The following DMD variants were observed in gnomAD, a reference collection of about 807,000 sequenced individuals.
DMD encodes the protein dystrophin, also known as mutant dystrophin.
DMD carries 63 observed loss-of-function variants against 330.1 expected under a neutral mutation model. That is an observed-to-expected ratio of 0.19 (90% confidence interval 0.16 to 0.24). The LOEUF (loss-of-function observed/expected upper bound fraction) is 0.24. DMD is among the 10% of genes least tolerant of loss of function. The probability of loss-of-function intolerance (pLI) is 1.00; values close to 1 mark genes in which losing one functional copy is unlikely to be tolerated. For missense variants in DMD, 3,344 were observed against 2,684.1 expected (o/e 1.25, Z -5.43); for synonymous variants, 1,223 against 959.8 (o/e 1.27, Z -5.07).
intron 52 of DMD, among the ~76,000 whole-genome samples, chrX:31,725,622 A>G (rs2085975986): frequency 8.9e-6 from 1 of 112,127 alleles, no homozygotes; most frequent in Non-Finnish European, 1.9e-5. Context: ...CTAAGAGCAG[A>G]TAGTTTACTG....
chrX:32,162,848 G>T (rs1253405345), intron 44 of DMD, among the ~76,000 whole-genome samples: 1 of 108,940 alleles, frequency 9.2e-6, no homozygotes, highest in Admixed American at 9.8e-5. Flanking sequence ...CCAAAGTGCT[G>T]GGATTACAGG....
chrX:32,242,728 T>C (rs2148076446), intron 43 of DMD, among the ~76,000 whole-genome samples: 1 of 111,144 alleles, frequency 9.0e-6, no homozygotes, highest in Non-Finnish European at 1.9e-5. Context: ...ATACTTCATT[T>C]CTTGAGGGTT....
intron 45 of DMD, among the ~76,000 whole-genome samples, chrX:31,960,724 T>C (rs1184343518): frequency 8.9e-6 from 1 of 112,127 alleles, no homozygotes; most frequent in Non-Finnish European, 1.9e-5. Context: ...TGCCAGCTAG[T>C]CTGTTTCACT....
chrX:32,395,573 T>TA (rs915716081), intron 30 of DMD, among the ~76,000 whole-genome samples: 9 of 110,433 alleles, frequency 8.1e-5, no homozygotes, highest in Non-Finnish European at 1.3e-4. Context: ...AAGTATAATT[T>TA]AAAAAAATTT....
At chrX:33,047,002 TA>T (rs1286502941) in intron 1 of DMD, among the ~76,000 whole-genome samples, 1 of 112,446 alleles carries the variant, frequency 8.9e-6, no homozygotes, top group Non-Finnish European at 1.9e-5. Flanking sequence ...ATGTGCCACC[TA>T]CTAAACACTT....
At chrX:31,267,105 G>GAGAAAGAAAGAA (rs72467955) in intron 62 of DMD, among the ~76,000 whole-genome samples, 100 of 105,885 alleles carry the variant, frequency 9.4e-4, no homozygotes, top group African/African-American at 1.3e-3. Context: ...AAAAAGAAAA[G>GAGAAAGAAAGAA]AGAAAGAAAG....
chrX:31,892,231 T>C (rs1206374265), intron 47 of DMD, among the ~76,000 whole-genome samples: 1 of 109,371 alleles, frequency 9.1e-6, no homozygotes, highest in African/African-American at 3.5e-5. Flanking sequence ...TGAAAGAAAA[T>C]AAAACAAAAA....
chrX:31,959,295 C>A (rs2095277416), intron 45 of DMD, among the ~76,000 whole-genome samples: 1 of 111,665 alleles, frequency 9.0e-6, no homozygotes, highest in African/African-American at 3.3e-5. Flanking sequence ...GATTTCAAAT[C>A]TTCCATGACC....
At chrX:32,401,110 T>G (rs185288729) in intron 30 of DMD, among the ~76,000 whole-genome samples, 1 of 100,188 alleles carries the variant, frequency 1.0e-5, no homozygotes, top group Non-Finnish European at 2.0e-5. Flanking sequence ...ATGTTCTCAC[T>G]CATAGGTGGG....
intron 9 of DMD, among the ~76,000 whole-genome samples, chrX:32,656,707 C>T (rs2060597156): frequency 8.9e-6 from 1 of 111,952 alleles, no homozygotes; most frequent in Non-Finnish European, 1.9e-5. Context: ...TTAGATATTA[C>T]ACTAACCCTT....
chrX:31,177,839 CAAAAG>C (rs1200613523), intron 71 of DMD, 88 bp downstream of exon 71: 7 of 838,460 alleles, frequency 8.3e-6, no homozygotes, highest in African/African-American at 6.2e-5. Flanking sequence ...CAAAACAAAA[CAAAAG>C]AAAACAAACA....
At chrX:32,362,135 G>T (rs765865036) in intron 37 of DMD, among the ~76,000 whole-genome samples, 48 of 111,521 alleles carry the variant, frequency 4.3e-4, no homozygotes, top group African/African-American at 1.6e-3. Flanking sequence ...AATATAAATA[G>T]GCATATAAAA....
intron 44 of DMD, among the ~76,000 whole-genome samples, chrX:32,012,437 T>C (rs1956831554): frequency 9.0e-6 from 1 of 111,566 alleles, no homozygotes; most frequent in Non-Finnish European, 1.9e-5. Context: ...CCCCTAGGTG[T>C]CTCCCTCATT....
intron 60 of DMD, among the ~76,000 whole-genome samples, chrX:31,362,905 G>A (rs1489784575): frequency 4.4e-5 from 5 of 112,630 alleles, no homozygotes; most frequent in East Asian, 5.6e-4. Context: ...AGCCGAGATC[G>A]TGCCACTGCA....
intron 60 of DMD, among the ~76,000 whole-genome samples, chrX:31,430,848 T>C (rs912601540): frequency 2.1e-5 from 2 of 93,236 alleles, no homozygotes; most frequent in Non-Finnish European, 4.2e-5. Context: ...CTGTCACCAG[T>C]CTGGAGTGCA....
intron 44 of DMD, among the ~76,000 whole-genome samples, chrX:32,026,431 A>C (rs2095846001): frequency 8.9e-6 from 1 of 112,363 alleles, no homozygotes; most frequent in African/African-American, 3.2e-5. Context: ...TCTGCCTAGA[A>C]GGCAAACTTA....
chrX:32,802,475 C>G (rs901395628), intron 7 of DMD, among the ~76,000 whole-genome samples: 1 of 111,336 alleles, frequency 9.0e-6, no homozygotes, highest in African/African-American at 3.3e-5. Flanking sequence ...CTTTCTTTCT[C>G]CTGCCTGATT....
chrX:31,493,197 A>G (rs1175335612), intron 57 of DMD, among the ~76,000 whole-genome samples: 2 of 111,916 alleles, frequency 1.8e-5, no homozygotes, highest in Admixed American at 1.9e-4. Flanking sequence ...ACTGTATACT[A>G]GGCACTTTGG....
At chrX:32,886,675 TC>T (rs775412840) in intron 2 of DMD, among the ~76,000 whole-genome samples, 1 of 110,425 alleles carries the variant, frequency 9.1e-6, no homozygotes, top group African/African-American at 3.3e-5. Context: ...AGAGCAAGAC[TC>T]CGTCTCAAAA....
Sources: gnomAD v4.1 joint callset for allele counts (sites outside exome capture counted in the v4.1 genomes callset) on GRCh38, gnomAD v4.1.1 for gene constraint, MANE v1.5 for transcripts, NCBI Gene and HGNC (gene_info 2026-07-23, HGNC 2026-07-21) for gene names.